The following SF3B1 variants were observed in gnomAD, a reference collection of about 807,000 sequenced individuals.
SF3B1 encodes the protein splicing factor 3b subunit 1.
Under a neutral mutation model 153.8 loss-of-function variants are expected in SF3B1, and 12 were observed. The observed-to-expected ratio is 0.08, with a 90% CI of 0.05 to 0.13. The LOEUF (loss-of-function observed/expected upper bound fraction) is 0.13, where lower values mean the gene tolerates loss of function less well. Ranked by LOEUF, SF3B1 falls within the 10% of genes least tolerant of loss-of-function variation. The probability of loss-of-function intolerance (pLI) is 1.00; values close to 1 mark genes in which losing one functional copy is unlikely to be tolerated. For missense variants in SF3B1, 513 were observed against 1,606.1 expected (o/e 0.32, Z 11.63); for synonymous variants, 498 against 525.2 (o/e 0.95, Z 0.71).
At chr2:197,399,405 G>A (rs545506017) in intron 20 of SF3B1, among the ~76,000 whole-genome samples, 1 of 152,070 alleles carries the variant, frequency 6.6e-6, no homozygotes, top group African/African-American at 2.4e-5. Context: ...TTTGGCAACA[G>A]TTATAATCAA....
At chr2:197,403,201 G>C (rs2105988217) in intron 12 of SF3B1, among the ~76,000 whole-genome samples, 166 bp from the exon 13 acceptor site, 1 of 152,222 alleles carries the variant, frequency 6.6e-6, no homozygotes, top group African/African-American at 2.4e-5. Context: ...ACTCCAGACA[G>C]AGATGAAAAT....
chr2:197,410,536 C>T (rs1222537764), intron 6 of SF3B1, among the ~76,000 whole-genome samples: 3 of 124,514 alleles, frequency 2.4e-5, no homozygotes, highest in East Asian at 2.3e-4. Flanking sequence ...GACAGAGTCT[C>T]GCTCTGTCAC....
Position 197,402,544 on chromosome 2 carries a change from A to C in SF3B1, c.2077+12T>G. Reference sequence around the variant, plus strand: ...GAAAAAAAAAAAAAGACAAAGTTACATTACAACTTACCATGTTCAATGATT... The same window carrying C: ...GAAAAAAAAAAAAAGACAAAGTTACCTTACAACTTACCATGTTCAATGATT... On this transcript the variant is annotated intron_variant, in intron 14 of 24. Transcript: ENST00000335508. This position sits in a 1 kb window ranked among gnomAD's most constrained non-coding sequence, Gnocchi z 4.6. The C allele has an allele frequency of 6.2e-7, 1 of 1,609,004 alleles. No individual in the cohort carries two copies. Among genetic ancestry groups the C allele is most frequent in the South Asian group, 1.1e-5 (1 of 90,664 alleles).
chr2:197,418,483 T>C, intron 5 of SF3B1, 26 bp downstream of exon 5: 4 of 1,547,772 alleles, frequency 2.6e-6, no homozygotes, highest in South Asian at 1.1e-5. Flanking sequence ...TTCACAACCA[T>C]TAAAACAGGA....
intron 5 of SF3B1, 126 bp downstream of exon 5, chr2:197,418,383 T>C: frequency 1.6e-6 from 1 of 616,750 alleles, no homozygotes; most frequent in South Asian, 3.0e-5. Context: ...AGATTCTTTC[T>C]CAGTTAATTT....
chr2:197,423,204 T>A (rs1184196204), intron 2 of SF3B1, among the ~76,000 whole-genome samples: 1 of 151,812 alleles, frequency 6.6e-6, no homozygotes, highest in African/African-American at 2.4e-5. Flanking sequence ...CTGGCCAACA[T>A]GGCAAAACCC....
In SF3B1 at chr2:197,401,551, T is replaced by C. The variant is rs770536535; in HGVS notation, c.2371-26A>G. 26 of 1,599,742 alleles carry C rather than the reference T, an allele frequency of 1.6e-5. No homozygotes were observed. Among genetic ancestry groups the C allele is most frequent in the Non-Finnish European group, 2.2e-5 (26 of 1,172,154 alleles). ...CTAAAAGGTTAAGAAATAGTAATAA[T>C]AAATCAACTGACCTGAAATGAAGAG... On this transcript the variant is annotated intron_variant, in intron 16 of 24. Transcript: ENST00000335508. This position sits in a 1 kb window ranked among gnomAD's most constrained non-coding sequence, Gnocchi z 4.2.
chr2:197,397,711 C>T (rs1028175745), intron 22 of SF3B1, among the ~76,000 whole-genome samples: 3 of 151,932 alleles, frequency 2.0e-5, no homozygotes, highest in Admixed American at 6.5e-5. Context: ...GCAGGAGAAT[C>T]GCCTGCACCT....
chr2:197,416,926 G>A lies in SF3B1; in HGVS notation c.496-15C>T, dbSNP rs186341784. 1 of 1,608,528 alleles carries A rather than the reference G, an allele frequency of 6.2e-7. No individual in the cohort carries two copies. Among genetic ancestry groups the A allele is most frequent in the East Asian group, 2.2e-5 (1 of 44,496 alleles). ...CTAATTTCTCGCTGAAAAAAACAGTGAGTATTTACCTTTAAAATGCTTTCA... is the reference window on the plus strand; with the variant it reads ...CTAATTTCTCGCTGAAAAAAACAGTAAGTATTTACCTTTAAAATGCTTTCA... On this transcript the variant is annotated splice_polypyrimidine_tract_variant and intron_variant, in intron 5 of 24. Coordinates refer to ENST00000335508, the MANE Select transcript of SF3B1 (RefSeq NM_012433.4).
rs2084944817 is a variant in SF3B1, at chr2:197,402,400, A to G, written c.2077+156T>C. On this transcript the variant is annotated intron_variant, in intron 14 of 24. Coordinates refer to ENST00000335508, the MANE Select transcript of SF3B1 (RefSeq NM_012433.4). This position sits in a 1 kb window ranked among gnomAD's most constrained non-coding sequence, Gnocchi z 4.6. ...TTTTAGGACAGCTGTCCTATTAAAC[A>G]TGGACAGGCTGTGTGTGTACCTCTA... The G allele has an allele frequency of 4.2e-6, 3 of 718,168 alleles. No individual in the cohort carries two copies. Among genetic ancestry groups the G allele is most frequent in the Non-Finnish European group, 6.7e-6 (3 of 445,158 alleles). 44.5% of individuals were successfully genotyped at this position (718,168 alleles called of 1,614,324 possible).
At chr2:197,410,431 T>C (rs1354698003) in intron 6 of SF3B1, among the ~76,000 whole-genome samples, 4 of 151,888 alleles carry the variant, frequency 2.6e-5, no homozygotes, top group Non-Finnish European at 4.4e-5. Context: ...TCTAAGAAAA[T>C]AGTCCTGTTG....
chr2:197,400,327 GTTAT>G lies in SF3B1; in HGVS notation c.2822_2825del (p.Asn941ThrfsTer13), dbSNP rs1191320613. On this transcript the variant is annotated frameshift_variant, in exon 19 of 25. Transcript: ENST00000335508. LOFTEE classifies it high-confidence loss of function. The surrounding 1 kb of genome is among the most constrained non-coding windows in gnomAD (Gnocchi z 5.0). ...CCTGTTGCCTAACTTTAGCAGATTT[GTTAT>G]TTAAACGCCACAAAACTGTACCACA... 6.2e-7 allele frequency: 1 copy of G among 1,613,984 alleles called. No individual in the cohort carries two copies. Among genetic ancestry groups the G allele is most frequent in the Non-Finnish European group, 8.5e-7 (1 of 1,179,954 alleles).
intron 1 of SF3B1, among the ~76,000 whole-genome samples, chr2:197,428,819 T>A (rs755552615): frequency 6.6e-6 from 1 of 151,904 alleles, no homozygotes; most frequent in Non-Finnish European, 1.5e-5. Flanking sequence ...CGCTTGAACC[T>A]GGGAGGTGGA....
chr2:197,426,119 T>C (rs990307357), intron 1 of SF3B1, among the ~76,000 whole-genome samples: 3 of 151,910 alleles, frequency 2.0e-5, no homozygotes, highest in Non-Finnish European at 4.4e-5. Context: ...CACCACTACA[T>C]GCACAGATGT....
chr2:197,410,376 G>A (rs2085050470), intron 6 of SF3B1, among the ~76,000 whole-genome samples: 1 of 152,130 alleles, frequency 6.6e-6, no homozygotes, highest in South Asian at 2.1e-4. Flanking sequence ...ACTTCTCAAA[G>A]TGGGGCTTAG....
At position 197,391,377 on chromosome 2, in the gene SF3B1, G is replaced by A. The variant is rs1262500451; in HGVS notation, c.*926C>T. The A allele has an allele frequency of 1.3e-5, 2 of 152,222 alleles. No individual in the cohort carries two copies. The highest frequency in any genetic ancestry group is 2.9e-5 in the Non-Finnish European group (2 of 68,050). The allele number at this position is 152,222 out of a possible 1,614,324, so 9.4% of individuals were successfully genotyped here. Reference sequence around the variant, plus strand: ...ATACTGTTCTTAAAGGTAGAGGGCAGGTCTCATGCACCTTTGCATCCCCTG... The same window carrying A: ...ATACTGTTCTTAAAGGTAGAGGGCAAGTCTCATGCACCTTTGCATCCCCTG... On this transcript the variant is annotated 3_prime_UTR_variant, in exon 25 of 25. Transcript: ENST00000335508.
At position 197,409,781 on chromosome 2, in the gene SF3B1, T is replaced by G; in HGVS notation, c.893A>C (p.Lys298Thr). The G allele has an allele frequency of 6.2e-7, 1 of 1,613,362 alleles. No homozygotes were observed. The highest frequency in any genetic ancestry group is 8.5e-7 in the Non-Finnish European group (1 of 1,179,298). ...ARKNRWDETP[K>T]TERDTPGHGS... ...TCCACTAGAAGTACCTCTCTCTGTT[T>G]TGGGGGTTTCATCCCATCTGTTTTT... The change falls in exon 7 of 25, where the codon AAA becomes ACA. Residue 298 changes from lysine to threonine, a missense_variant. Lys to Thr is a moderately conservative substitution (Grantham distance 78). Coordinates refer to ENST00000335508, the MANE Select transcript of SF3B1 (RefSeq NM_012433.4).
intron 22 of SF3B1, 54 bp from the exon 23 acceptor site, chr2:197,396,382 G>A (rs925606393): frequency 1.3e-4 from 194 of 1,460,710 alleles, no homozygotes; most frequent in South Asian, 1.5e-4. Context: ...AAAAATTTAT[G>A]GAAGAAAAAA....
chr2:197,403,527 G>T, intron 12 of SF3B1, 58 bp downstream of exon 12: 1 of 1,143,544 alleles, frequency 8.7e-7, no homozygotes, highest in South Asian at 1.7e-5. Context: ...ATTTAACATT[G>T]ATTAACTGAA....
Sources: allele counts gnomAD v4.1 joint callset (sites outside exome capture counted in the v4.1 genomes callset), GRCh38; gene constraint gnomAD v4.1.1; non-coding constraint Gnocchi (gnomAD v3.1); transcripts MANE v1.5; gene names NCBI Gene and HGNC (gene_info 2026-07-23, HGNC 2026-07-21).